BCKDHB: variants seen among roughly 807,000 people sequenced by gnomAD.
The protein encoded by BCKDHB is 2-oxoisovalerate dehydrogenase subunit beta, mitochondrial.
BCKDHB carries 41 observed loss-of-function variants against 48.5 expected under a neutral mutation model. The observed-to-expected ratio is 0.85, with a 90% confidence interval of 0.66 to 1.10. The LOEUF (loss-of-function observed/expected upper bound fraction) is 1.10. BCKDHB is among the 50% of genes least tolerant of loss of function. The probability of loss-of-function intolerance (pLI) is 0.00; values close to 1 mark genes in which losing one functional copy is unlikely to be tolerated. For missense variants in BCKDHB, 496 were observed against 494.2 expected (o/e 1.00, Z -0.03); for synonymous variants, 201 against 174.8 (o/e 1.15, Z -1.18).
At chr6:80,201,127 T>A in intron 7 of BCKDHB, 96 bp downstream of exon 7, 1 of 1,030,358 alleles carries the variant, frequency 9.7e-7, no homozygotes, top group Non-Finnish European at 1.5e-6. Flanking sequence ...CGATGTTTTC[T>A]TTATATCTCA....
chr6:80,368,040 A>C, the BCKDHB span, among the ~76,000 whole-genome samples: 5 of 152,172 alleles, frequency 3.3e-5, no homozygotes, highest in African/African-American at 1.2e-4. Flanking sequence ...CTGGCCCTGG[A>C]CTCTCACTGG....
At chr6:80,108,235 G>T (rs73477975) in intron 1 of BCKDHB, among the ~76,000 whole-genome samples, 1 of 151,258 alleles carries the variant, frequency 6.6e-6, no homozygotes, top group African/African-American at 2.4e-5. Context: ...ACTAAGATGC[G>T]TGTAGATATA....
chr6:80,123,737 TA>T (rs1770175087), intron 1 of BCKDHB, among the ~76,000 whole-genome samples: 1 of 152,224 alleles, frequency 6.6e-6, no homozygotes, highest in South Asian at 2.1e-4. Context: ...TTGGTGGTGA[TA>T]TCTCCTTTAT....
the BCKDHB span, among the ~76,000 whole-genome samples, chr6:80,416,272 ATC>A: frequency 4.0e-5 from 6 of 148,298 alleles, no homozygotes; most frequent in Non-Finnish European, 8.9e-5. Flanking sequence ...TTGTATGTCA[ATC>A]TTCTTCAGTT....
chr6:80,231,975 T>C (rs1178200022), intron 8 of BCKDHB, among the ~76,000 whole-genome samples: 1 of 152,194 alleles, frequency 6.6e-6, no homozygotes, highest in African/African-American at 2.4e-5. Flanking sequence ...GAAATCACTG[T>C]ACTGCTGCAA....
chr6:80,435,634 T>C, the BCKDHB span, among the ~76,000 whole-genome samples: 3 of 152,188 alleles, frequency 2.0e-5, no homozygotes, highest in Non-Finnish European at 4.4e-5. Flanking sequence ...CATTAAGACA[T>C]AAAGTTCATT....
At chr6:80,182,861 C>CT (rs1311472647) in intron 6 of BCKDHB, among the ~76,000 whole-genome samples, 1 of 152,000 alleles carries the variant, frequency 6.6e-6, no homozygotes, top group Non-Finnish European at 1.5e-5. Context: ...GTATAACTTG[C>CT]TTTTTTTACC....
chr6:80,203,245 C>G, intron 8 of BCKDHB, 33 bp downstream of exon 8: 1 of 1,464,068 alleles, frequency 6.8e-7, no homozygotes, highest in Non-Finnish European at 9.6e-7. Flanking sequence ...ATGTCATTTC[C>G]CTGAAACCTT....
At chr6:80,409,193 G>A in the BCKDHB span, among the ~76,000 whole-genome samples, 1 of 152,056 alleles carries the variant, frequency 6.6e-6, no homozygotes, top group African/African-American at 2.4e-5. Flanking sequence ...GTGGTTTTGA[G>A]TGGGATTCTT....
chr6:80,153,126 A>G (rs888227597), intron 3 of BCKDHB, among the ~76,000 whole-genome samples: 3 of 150,178 alleles, frequency 2.0e-5, no homozygotes, highest in African/African-American at 7.3e-5. Context: ...CTTCATTCTC[A>G]CTCTTGGGGT....
intron 8 of BCKDHB, among the ~76,000 whole-genome samples, chr6:80,249,538 T>C (rs1287656343): frequency 6.6e-6 from 1 of 152,170 alleles, no homozygotes; most frequent in Non-Finnish European, 1.5e-5. Flanking sequence ...CCAGGACATG[T>C]TGTACTCCAA....
chr6:80,267,693 T>C (rs1777571131), intron 8 of BCKDHB, among the ~76,000 whole-genome samples: 1 of 152,130 alleles, frequency 6.6e-6, no homozygotes, highest in Admixed American at 6.6e-5. Flanking sequence ...CAGAAAGATG[T>C]CCACTTTTAA....
the BCKDHB span, among the ~76,000 whole-genome samples, chr6:80,367,841 T>C: frequency 2.6e-5 from 4 of 152,324 alleles, no homozygotes; most frequent in African/African-American, 7.2e-5. Context: ...TGGTGGGGCA[T>C]GCACATTGCA....
the BCKDHB span, among the ~76,000 whole-genome samples, chr6:80,421,172 C>T: frequency 6.6e-6 from 1 of 152,054 alleles, no homozygotes; most frequent in Non-Finnish European, 1.5e-5. Context: ...AGAGAGTTCT[C>T]ATGGATCTGA....
At chr6:80,381,228 T>C in the BCKDHB span, among the ~76,000 whole-genome samples, 3 of 152,122 alleles carry the variant, frequency 2.0e-5, no homozygotes, top group South Asian at 4.2e-4. Context: ...TACCGTCCTA[T>C]ACCAGATAGG....
chr6:80,136,196 A>G (rs1414356452), intron 3 of BCKDHB, among the ~76,000 whole-genome samples: 1 of 152,130 alleles, frequency 6.6e-6, no homozygotes, highest in Non-Finnish European at 1.5e-5. Context: ...GAGGACTCAC[A>G]GTTCTTTTTT....
the BCKDHB span, among the ~76,000 whole-genome samples, chr6:80,425,275 TG>T: frequency 6.6e-6 from 1 of 152,198 alleles, no homozygotes. Context: ...TAGGCCACAC[TG>T]GAATTCAAGA....
At chr6:80,262,844 A>G (rs1394832466) in intron 8 of BCKDHB, among the ~76,000 whole-genome samples, 2 of 152,256 alleles carry the variant, frequency 1.3e-5, no homozygotes, top group Non-Finnish European at 2.9e-5. Flanking sequence ...GTCATTCACA[A>G]CCTAAGCTAT....
chr6:80,318,490 C>T (rs746851293), intron 9 of BCKDHB, among the ~76,000 whole-genome samples: 2 of 151,958 alleles, frequency 1.3e-5, no homozygotes, highest in African/African-American at 2.4e-5. Context: ...AGTTCGAGAC[C>T]AGTCTGACCA....
Sources: allele counts gnomAD v4.1 joint callset (sites outside exome capture counted in the v4.1 genomes callset), GRCh38; gene constraint gnomAD v4.1.1; transcripts MANE v1.5; gene names NCBI Gene and HGNC (gene_info 2026-07-23, HGNC 2026-07-21).